LRMDA: variants seen among roughly 807,000 people sequenced by gnomAD.
LRMDA encodes the protein leucine rich melanocyte differentiation associated, also known as leucine-rich melanocyte differentiation-associated protein.
In LRMDA, 18 loss-of-function variants were observed where a neutral mutation model predicts 29.8. That is an observed-to-expected ratio of 0.60 (90% CI 0.42 to 0.90). The LOEUF is 0.90. LRMDA is among the 40% of genes least tolerant of loss of function. The pLI, the probability that LRMDA is intolerant of heterozygous loss-of-function variation, is 0.00. For synonymous variants in LRMDA, 125 were observed against 109.4 expected, an observed-to-expected ratio of 1.14 and a Z score of -0.89; for missense variants, 273 against 273.9, an observed-to-expected ratio of 1.00 and a Z score of 0.02.
intron 6 of LRMDA, among the ~76,000 whole-genome samples, chr10:76,344,981 CA>C (rs2132424102): frequency 7.2e-6 from 1 of 138,122 alleles, no homozygotes; most frequent in African/African-American, 2.7e-5. Flanking sequence ...ATATAAAAAG[CA>C]AAAATGGACA....
chr10:76,395,640 G>A (rs561184554), intron 6 of LRMDA, among the ~76,000 whole-genome samples: 3 of 152,258 alleles, frequency 2.0e-5, no homozygotes, highest in Non-Finnish European at 2.9e-5. Flanking sequence ...TCTCTGTTGT[G>A]TATTCAGATT....
At chr10:75,945,001 T>C (rs1413518883) in intron 2 of LRMDA, among the ~76,000 whole-genome samples, 1 of 152,150 alleles carries the variant, frequency 6.6e-6, no homozygotes, top group Non-Finnish European at 1.5e-5. Context: ...TAAAAAAAAC[T>C]CTTGACTATG....
chr10:76,307,541 T>C (rs1291674040), intron 5 of LRMDA, among the ~76,000 whole-genome samples: 2 of 152,086 alleles, frequency 1.3e-5, no homozygotes, highest in Non-Finnish European at 2.9e-5. Context: ...CCTTAATCAA[T>C]AGTGGTCTGA....
intron 2 of LRMDA, among the ~76,000 whole-genome samples, chr10:75,444,537 G>T (rs905019224): frequency 2.6e-5 from 4 of 152,178 alleles, no homozygotes; most frequent in African/African-American, 9.7e-5. Flanking sequence ...CAGGGTCAGG[G>T]TCTTGCCATC....
intron 2 of LRMDA, among the ~76,000 whole-genome samples, chr10:75,537,875 A>G (rs1839971214): frequency 6.6e-6 from 1 of 152,106 alleles, no homozygotes; most frequent in Non-Finnish European, 1.5e-5. Context: ...TCCCCTCTAT[A>G]GGATGCTCTT....
At chr10:76,392,772 T>C (rs1334640058) in intron 6 of LRMDA, among the ~76,000 whole-genome samples, 3 of 152,144 alleles carry the variant, frequency 2.0e-5, no homozygotes, top group Non-Finnish European at 2.9e-5. Flanking sequence ...TGTTGTACAA[T>C]AGGTTTCTTG....
chr10:76,146,874 A>C (rs1850333434), intron 5 of LRMDA, among the ~76,000 whole-genome samples: 1 of 152,132 alleles, frequency 6.6e-6, no homozygotes, highest in African/African-American at 2.4e-5. Flanking sequence ...CATTTAGGGC[A>C]GGCCTGCTGG....
intron 5 of LRMDA, among the ~76,000 whole-genome samples, chr10:76,061,720 G>T (rs1320236716): frequency 6.6e-6 from 1 of 152,088 alleles, no homozygotes; most frequent in Non-Finnish European, 1.5e-5. Flanking sequence ...CATGGAATTG[G>T]GACCAGAACC....
chr10:76,270,332 TGAA>T (rs1840051867), intron 5 of LRMDA: 1 of 152,070 alleles, frequency 6.6e-6, no homozygotes. Context: ...GACCTAAATG[TGAA>T]GATGGCTGGG....
chr10:76,452,501 A>G (rs757484396), intron 6 of LRMDA, among the ~76,000 whole-genome samples: 8 of 152,210 alleles, frequency 5.3e-5, no homozygotes, highest in Non-Finnish European at 1.0e-4. Context: ...ATGAAAAAAA[A>G]AAAGATATCC....
In LRMDA at chr10:76,557,230, A is replaced by G. The variant is rs1056745188; in HGVS notation, c.623A>G (p.Tyr208Cys). 2 of 1,614,040 alleles carry G rather than the reference A, an allele frequency of 1.2e-6. No individual in the cohort carries two copies. Among genetic ancestry groups the G allele is most frequent in the Non-Finnish European group, 1.7e-6 (2 of 1,180,004 alleles). Residue 208 changes from tyrosine to cysteine, a missense_variant, in exon 7 of 7, where the codon TAC (tyrosine) becomes TGC (cysteine). Coordinates refer to ENST00000611255, the MANE Select transcript of LRMDA (RefSeq NM_001305581.2). ...GCAGGTGTCCTGGGGAAGTGTCGCT[A>G]CGTTTACTATGGGAAAAACTCAGAG... ...SHQGVLGKCR[Y>C]VYYGKNSEGN...
intron 2 of LRMDA, among the ~76,000 whole-genome samples, chr10:75,808,933 C>G (rs1435947403): frequency 6.6e-6 from 1 of 152,230 alleles, no homozygotes; most frequent in Non-Finnish European, 1.5e-5. Flanking sequence ...TTGACTGACT[C>G]TGCTCTGCAC....
chr10:75,865,373 A>T (rs12218662), intron 2 of LRMDA, among the ~76,000 whole-genome samples: 12,133 of 152,222 alleles, frequency 0.08, 966 homozygotes, highest in East Asian at 0.31. Flanking sequence ...ATCACGTTGT[A>T]TACTTAAGAT....
At chr10:76,284,399 AC>A (rs1840245006) in intron 5 of LRMDA, among the ~76,000 whole-genome samples, 1 of 152,146 alleles carries the variant, frequency 6.6e-6, no homozygotes, top group Non-Finnish European at 1.5e-5. Context: ...ACAGGCAGCC[AC>A]TAGGAGCTGG....
At chr10:76,521,967 T>A (rs1382869899) in intron 6 of LRMDA, among the ~76,000 whole-genome samples, 3 of 152,194 alleles carry the variant, frequency 2.0e-5, no homozygotes, top group South Asian at 2.1e-4. Flanking sequence ...CTTAAGTGAT[T>A]GAAACCTTCA....
intron 2 of LRMDA, among the ~76,000 whole-genome samples, chr10:75,776,737 G>A (rs115249813): frequency 3.1e-4 from 47 of 152,266 alleles, no homozygotes; most frequent in African/African-American, 9.6e-4. Flanking sequence ...AATTTAAACC[G>A]CACCTGTTTA....
chr10:75,531,962 C>G (rs1845482117), intron 2 of LRMDA, among the ~76,000 whole-genome samples: 1 of 149,368 alleles, frequency 6.7e-6, no homozygotes, highest in East Asian at 2.0e-4. Context: ...GGGAGGATCA[C>G]TCGAGCCCAG....
chr10:75,863,698 G>A (rs970832916), intron 2 of LRMDA, among the ~76,000 whole-genome samples: 3 of 152,176 alleles, frequency 2.0e-5, no homozygotes, highest in Admixed American at 1.3e-4. Context: ...ATTATGAAAT[G>A]CTAGTTATTA....
Position 76,036,545 on chromosome 10 carries a change from G to A in LRMDA, c.258+411G>A, listed in dbSNP as rs557708723. Among the ~76,000 whole-genome samples the A allele has an allele frequency of 9.2e-5, 14 of 152,346 alleles. 1 individual carries two copies. The South Asian group carries it at 1.9e-3, about 20-fold the overall frequency. On this transcript the variant is annotated intron_variant, in intron 3 of 6. Transcript: ENST00000611255. ...GGGAAGTCCCGGGTAATGCCGCCAA[G>A]CAAACTTCCTCTCCTGGGAGGTTTC...
Sources: allele counts gnomAD v4.1 joint callset (sites outside exome capture counted in the v4.1 genomes callset), GRCh38; gene constraint gnomAD v4.1.1; transcripts MANE v1.5; gene names NCBI Gene and HGNC (gene_info 2026-07-23, HGNC 2026-07-21).